LINGO1: variants seen among roughly 807,000 people sequenced by gnomAD.
LINGO1 encodes leucine-rich repeat and immunoglobulin-like domain-containing nogo receptor-interacting protein 1.
A neutral mutation model predicts 37.3 loss-of-function variants in LINGO1; 11 were observed. The observed-to-expected ratio is 0.29, with a 90% CI of 0.19 to 0.49. The LOEUF (loss-of-function observed/expected upper bound fraction) is 0.49, where lower values mean the gene tolerates loss of function less well. Among genes scored for constraint, LINGO1 ranks in the 20% least tolerant of loss-of-function variants. The pLI is 0.99. For synonymous variants in LINGO1, 387 were observed against 403.0 expected (o/e 0.96, Z 0.48); for missense variants, 585 against 878.2 (o/e 0.67, Z 4.22).
At chr15:77,723,791 C>T (rs528291726) in intron 2 of LINGO1, among the ~76,000 whole-genome samples, 14 of 152,246 alleles carry the variant, frequency 9.2e-5, no homozygotes, top group African/African-American at 2.9e-4. Context: ...ACCCCAGCCC[C>T]AGCTGGGGGG....
At chr15:77,798,483 C>G (rs374551901) in intron 1 of LINGO1, among the ~76,000 whole-genome samples, 10 of 152,246 alleles carry the variant, frequency 6.6e-5, no homozygotes, top group African/African-American at 2.4e-4. Flanking sequence ...TCCCTTCCCC[C>G]CAAACCTTCC....
intron 1 of LINGO1, among the ~76,000 whole-genome samples, chr15:77,631,261 G>C (rs189914228): frequency 6.6e-6 from 1 of 152,198 alleles, no homozygotes; most frequent in African/African-American, 2.4e-5. Flanking sequence ...AGGGCTGGGC[G>C]AGCAGGAAGG....
intron 1 of LINGO1, among the ~76,000 whole-genome samples, chr15:77,808,352 G>A (rs996923220): frequency 1.3e-5 from 2 of 152,168 alleles, no homozygotes; most frequent in African/African-American, 2.4e-5. Context: ...GGAGCATAAG[G>A]ATGCATTCCT....
chr15:77,614,530 G>A lies in LINGO1; in HGVS notation c.1377C>T (p.Leu459=). 1 of 1,611,098 alleles carries A rather than the reference G, an allele frequency of 6.2e-7. No homozygotes were observed. The highest frequency in any genetic ancestry group is 8.5e-7 in the Non-Finnish European group (1 of 1,179,610). The change falls in exon 2 of 2, where the codon CTC becomes CTT. Residue 459 remains leucine (L), a synonymous_variant. Coordinates refer to ENST00000355300, the MANE Select transcript of LINGO1 (RefSeq NM_032808.7). The part of the protein sequence containing the change: ...DGDPPPAILW[L]SPRKHLVSAK... Reference sequence around the variant, plus strand: ...CTGAGACCAGGTGCTTTCGGGGTGAGAGCCAGAGGATGGCGGGCGGCGGGT... The same window carrying A: ...CTGAGACCAGGTGCTTTCGGGGTGAAAGCCAGAGGATGGCGGGCGGCGGGT...
At chr15:77,616,304 G>A (rs770422357) in intron 1 of LINGO1, among the ~76,000 whole-genome samples, 13 of 152,194 alleles carry the variant, frequency 8.5e-5, no homozygotes, top group Non-Finnish European at 1.8e-4. Context: ...TGGGCTCACA[G>A]TGGGGATCAA....
intron 1 of LINGO1, among the ~76,000 whole-genome samples, chr15:77,749,495 A>G (rs916406844): frequency 2.6e-5 from 4 of 152,242 alleles, no homozygotes; most frequent in South Asian, 2.1e-4. Context: ...GAGACTCAGC[A>G]GGGGCTACCA....
rs533195161 is a variant in LINGO1, at chr15:77,615,009, T to C, written c.898A>G (p.Ser300Gly). Reference sequence around the variant, plus strand: ...TGCAACATGGAGCCCTCAATGGTGCTGATGGGGTTGTAGGAGAGGTTGAGG... The same window carrying C: ...TGCAACATGGAGCCCTCAATGGTGCCGATGGGGTTGTAGGAGAGGTTGAGG... Reference protein sequence around the residue: ...RFLNLSYNPISTIEGSMLHEL... With the variant: ...RFLNLSYNPIGTIEGSMLHEL... The change falls in exon 2 of 2, where the codon AGC becomes GGC. Residue 300 changes from serine (S) to glycine (G), a missense_variant. Ser to Gly is a moderately conservative substitution (Grantham distance 56). Around this residue, in one of 4 missense-constraint regions of LINGO1, gnomAD observed 484 missense variants for 735.0 expected, o/e 0.66. Transcript: ENST00000355300. 9 of 1,613,966 alleles carry C rather than the reference T, an allele frequency of 5.6e-6. No individual in the cohort carries two copies. The East Asian group carries it at 6.7e-5, about 12-fold the overall frequency.
intron 1 of LINGO1, among the ~76,000 whole-genome samples, chr15:77,754,111 G>A (rs894431679): frequency 2.0e-5 from 3 of 151,786 alleles, no homozygotes; most frequent in Non-Finnish European, 2.9e-5. Flanking sequence ...GAGCAGAAAG[G>A]CAAGGGGGAA....
rs755041321 is a variant in LINGO1, at chr15:77,614,083, G to A, written c.1824C>T (p.Ser608=). Residue 608 remains serine, a synonymous_variant, in exon 2 of 2, where the codon TCC becomes TCT. Transcript: ENST00000355300. ...TGTTGAACTTGCGGGGCGCGTCGGC[G>A]GAGCTGATGCCTGCGTCCGACTTTC... ...VPRKSDAGIS[S]ADAPRKFNMK... 2.0e-5 allele frequency: 33 copies of A among 1,612,020 alleles called. No homozygotes were observed. The Admixed American group carries it at 2.7e-4, about 13-fold the overall frequency.
At chr15:77,780,802 C>G (rs759620003) in intron 1 of LINGO1, among the ~76,000 whole-genome samples, 8 of 151,298 alleles carry the variant, frequency 5.3e-5, no homozygotes, top group African/African-American at 1.7e-4. Flanking sequence ...GAGGACACAG[C>G]AAGAAGGTGG....
intron 1 of LINGO1, among the ~76,000 whole-genome samples, chr15:77,739,966 G>A (rs2076243963): frequency 6.6e-6 from 1 of 152,260 alleles, no homozygotes; most frequent in South Asian, 2.1e-4. Flanking sequence ...TGTTTATGGA[G>A]CACCTATCCT....
At chr15:77,715,509 A>C (rs73465834) in intron 2 of LINGO1, among the ~76,000 whole-genome samples, 4,172 of 152,332 alleles carry the variant, frequency 0.027, 220 homozygotes, top group African/African-American at 0.095. Context: ...GGCCACAAGA[A>C]GAGTGGAGTT....
At chr15:77,688,539 G>A (rs1180214328) in intron 2 of LINGO1, among the ~76,000 whole-genome samples, 6 of 152,198 alleles carry the variant, frequency 3.9e-5, no homozygotes, top group Non-Finnish European at 1.5e-5. Flanking sequence ...CACCGCGGCA[G>A]GCTTCAGTGT....
intron 1 of LINGO1, among the ~76,000 whole-genome samples, chr15:77,780,915 C>T (rs1166166810): frequency 6.6e-6 from 1 of 152,150 alleles, no homozygotes; most frequent in East Asian, 1.9e-4. Context: ...TGGTTCAAGA[C>T]CCTGAGTCTT....
intron 1 of LINGO1, among the ~76,000 whole-genome samples, chr15:77,806,664 T>C (rs2076962316): frequency 6.6e-6 from 1 of 152,096 alleles, no homozygotes. Flanking sequence ...CAGAGGCCTA[T>C]GAACTGGACG....
intron 1 of LINGO1, among the ~76,000 whole-genome samples, chr15:77,624,217 GTGTA>G (rs1437692816): frequency 1.3e-5 from 2 of 151,094 alleles, no homozygotes; most frequent in African/African-American, 4.9e-5. Flanking sequence ...GTGTGTGTGT[GTGTA>G]TGTGTATGGT....
At chr15:77,778,048 G>A (rs1040145067) in intron 1 of LINGO1, among the ~76,000 whole-genome samples, 5 of 152,226 alleles carry the variant, frequency 3.3e-5, no homozygotes, top group African/African-American at 4.8e-5. Flanking sequence ...GAGGCTAGAA[G>A]TCCAAAATCT....
Position 77,632,347 on chromosome 15 carries a change from T to C in LINGO1, c.-32A>G. On this transcript the variant is annotated 5_prime_UTR_variant, in exon 1 of 2. Transcript: ENST00000355300. This position sits in a 1 kb window ranked among gnomAD's most constrained non-coding sequence, Gnocchi z 6.0. ...CGCGCCTTCGGTCCGCTCGGCTCGG[T>C]CACCAATCGCATGTCTCTCCAGCCG... 1 of 1,424,022 alleles carries C rather than the reference T, an allele frequency of 7.0e-7. No homozygotes were observed. Among genetic ancestry groups the C allele is most frequent in the Non-Finnish European group, 9.2e-7 (1 of 1,087,824 alleles). 88.2% of individuals were successfully genotyped at this position (1,424,022 alleles called of 1,614,324 possible). A position where few individuals can be genotyped will look rare whatever the true frequency, so the allele number is the denominator to read the frequency against.
intron 2 of LINGO1, among the ~76,000 whole-genome samples, chr15:77,733,470 T>C (rs2076172862): frequency 6.6e-6 from 1 of 152,180 alleles, no homozygotes; most frequent in South Asian, 2.1e-4. Context: ...CCAGAGGATA[T>C]GGTGGCCAAG....
Sources: allele counts gnomAD v4.1 joint callset (sites outside exome capture counted in the v4.1 genomes callset), GRCh38; gene constraint gnomAD v4.1.1; regional missense constraint gnomAD v4.1.1; non-coding constraint Gnocchi (gnomAD v3.1); transcripts MANE v1.5; gene names NCBI Gene and HGNC (gene_info 2026-07-23, HGNC 2026-07-21).